POM121C: variants seen among roughly 807,000 people sequenced by gnomAD.
POM121C encodes the protein POM121 transmembrane nucleoporin C, also known as nuclear envelope pore membrane protein POM 121C.
POM121C carries 20 observed loss-of-function variants against 66.4 expected under a neutral mutation model. The observed-to-expected ratio is 0.30, with a 90% confidence interval of 0.21 to 0.44. POM121C has a LOEUF of 0.44. Among genes scored for constraint, POM121C ranks in the 20% least tolerant of loss-of-function variants. The pLI, the probability that POM121C is intolerant of heterozygous loss-of-function variation, is 1.00. For missense variants in POM121C, 580 were observed against 1,225.7 expected (o/e 0.47, Z 7.87); for synonymous variants, 286 against 528.0 (o/e 0.54, Z 6.28).
intron 3 of POM121C, 123 bp from the exon 4 acceptor site, chr7:75,441,770 A>G (rs1484628702): frequency 3.5e-5 from 33 of 953,728 alleles, no homozygotes; most frequent in Non-Finnish European, 5.1e-5. Flanking sequence ...TACGCAACAC[A>G]GAACACGTTG....
chr7:75,471,418 G>A (rs1186233619), intron 3 of POM121C, among the ~76,000 whole-genome samples: 3 of 151,752 alleles, frequency 2.0e-5, no homozygotes, highest in East Asian at 1.9e-4. Flanking sequence ...GGGTGGTCTC[G>A]AACTCCTGAC....
chr7:75,474,964 T>A, intron 2 of POM121C, 82 bp from the exon 3 acceptor site: 2 of 1,343,462 alleles, frequency 1.5e-6, no homozygotes, highest in Non-Finnish European at 2.1e-6. Flanking sequence ...CTGCAGCTAG[T>A]GCCCACAAGG....
chr7:75,479,137 A>C (rs1792207093), intron 1 of POM121C, among the ~76,000 whole-genome samples: 1 of 152,152 alleles, frequency 6.6e-6, no homozygotes, highest in South Asian at 2.1e-4. Flanking sequence ...AACACCTTTA[A>C]AAGCAAAGAC....
intron 7 of POM121C, among the ~76,000 whole-genome samples, chr7:75,432,791 T>C (rs2116374449): frequency 6.6e-6 from 1 of 152,308 alleles, no homozygotes; most frequent in Middle Eastern, 3.4e-3. Context: ...ATTCTGGGTA[T>C]TATCTGTGTT....
At chr7:75,421,267 C>T (rs1223063104) in intron 13 of POM121C, 11 of 1,206,970 alleles carry the variant, frequency 9.1e-6, no homozygotes, top group East Asian at 5.3e-5. Flanking sequence ...TGAGCCACTG[C>T]GCCCAACCTT....
chr7:75,419,673 A>G (rs587685472), intron 13 of POM121C: 1 of 541,270 alleles, frequency 1.8e-6, no homozygotes, highest in Non-Finnish European at 3.2e-6. Context: ...GGCAGAGAAA[A>G]AGCCCCCCTG....
intron 3 of POM121C, among the ~76,000 whole-genome samples, chr7:75,457,012 T>G (rs1455704178): frequency 6.7e-6 from 1 of 149,974 alleles, no homozygotes; most frequent in Non-Finnish European, 1.5e-5. Context: ...CTGGGCATGG[T>G]GGCAGGCGCC....
At chr7:75,480,698 G>A (rs1326005425) in intron 1 of POM121C, among the ~76,000 whole-genome samples, 3 of 151,990 alleles carry the variant, frequency 2.0e-5, no homozygotes, top group African/African-American at 4.8e-5. Context: ...AAAATCATTG[G>A]CCTGTATTCT....
intron 3 of POM121C, among the ~76,000 whole-genome samples, chr7:75,450,417 T>C (rs1246171424): frequency 6.6e-6 from 1 of 152,226 alleles, no homozygotes; most frequent in South Asian, 2.1e-4. Flanking sequence ...AGCACTCAGT[T>C]GTTACACGGG....
chr7:75,441,705 A>C, intron 3 of POM121C, 58 bp from the exon 4 acceptor site: 1 of 1,426,748 alleles, frequency 7.0e-7, no homozygotes, highest in Non-Finnish European at 9.5e-7. Flanking sequence ...TCAAAATTTT[A>C]GACGGTTAAA....
At position 75,441,098 on chromosome 7, in the gene POM121C, C is replaced by T; in HGVS notation, c.83G>A (p.Ser28Asn). 1.9e-6 allele frequency: 3 copies of T among 1,613,962 alleles called. No individual in the cohort carries two copies. The highest frequency in any genetic ancestry group is 2.5e-6 in the Non-Finnish European group (3 of 1,179,882). Reference sequence around the variant, plus strand: ...ACTTGATGGTGACGACAGTGTTGAGCTGATTATCTGCTCTGGTCTATAATG... The same window carrying T: ...ACTTGATGGTGACGACAGTGTTGAGTTGATTATCTGCTCTGGTCTATAATG... ...SRSAIPEQII[S>N]STLSSPSSNA... Residue 28 changes from serine (S) to asparagine (N), a missense_variant, in exon 5 of 15, where the codon AGC (serine) becomes AAC (asparagine). Coordinates refer to ENST00000615331, the MANE Select transcript of POM121C (RefSeq NM_001099415.3).
At chr7:75,442,008 C>T (rs1282928444) in intron 3 of POM121C, 9 of 597,166 alleles carry the variant, frequency 1.5e-5, no homozygotes, top group Non-Finnish European at 2.6e-5. Context: ...CTGGCACACA[C>T]CAAGGTGTTA....
At chr7:75,424,713 C>A in intron 10 of POM121C, 85 bp from the exon 11 acceptor site, 1 of 1,552,806 alleles carries the variant, frequency 6.4e-7, no homozygotes, top group African/African-American at 1.4e-5. Context: ...AATCTCAGCA[C>A]TCTGGGAGGC....
intron 6 of POM121C, 77 bp from the exon 7 acceptor site, chr7:75,437,763 T>C: frequency 6.7e-7 from 1 of 1,483,670 alleles, no homozygotes; most frequent in Non-Finnish European, 9.0e-7. Flanking sequence ...TCATGACATC[T>C]TTCTTAATAA....
At chr7:75,472,945 T>G (rs1371630900) in intron 3 of POM121C, among the ~76,000 whole-genome samples, 1 of 152,174 alleles carries the variant, frequency 6.6e-6, no homozygotes, top group Non-Finnish European at 1.5e-5. Flanking sequence ...GGAAGATGGA[T>G]CCACTGTAAT....
chr7:75,466,750 GAAA>G (rs1238974463), intron 3 of POM121C, among the ~76,000 whole-genome samples: 1 of 140,224 alleles, frequency 7.1e-6, no homozygotes, highest in Non-Finnish European at 1.6e-5. Context: ...ACTAATCAAA[GAAA>G]AAAAAAAAGC....
In POM121C at chr7:75,441,077, G is replaced by A. The variant is rs1790626391; in HGVS notation, c.104C>T (p.Ser35Leu). 5 of 1,613,944 alleles carry A rather than the reference G, an allele frequency of 3.1e-6. No individual in the cohort carries two copies. Among genetic ancestry groups the A allele is most frequent in the Non-Finnish European group, 4.2e-6 (5 of 1,179,866 alleles). The stretch of plus-strand genomic sequence containing the variant: ...TGCACATGGGTCTGGGGCATTACTT[G>A]ATGGTGACGACAGTGTTGAGCTGAT... ...QIISSTLSSPSSNAPDPCAKE... is the reference protein window; with the variant it reads ...QIISSTLSSPLSNAPDPCAKE... Residue 35 changes from serine (S) to leucine (L), a missense_variant, in exon 5 of 15, where the codon TCA (serine) becomes TTA (leucine). Transcript: ENST00000615331.
chr7:75,469,830 C>A (rs1791802167), intron 3 of POM121C, among the ~76,000 whole-genome samples: 2 of 152,210 alleles, frequency 1.3e-5, no homozygotes, highest in South Asian at 4.1e-4. Flanking sequence ...TGTCTCTCCA[C>A]CTCCTTCAGC....
Position 75,474,803 on chromosome 7 carries a change from T to C in POM121C, c.-251A>G, listed in dbSNP as rs1332410091. ...TTTGGCTTGGTGATATCATATCTTG[T>C]TAATGGGAAAAGAAGAAGGACTTGG... On this transcript the variant is annotated 5_prime_UTR_variant, in exon 3 of 15. It removes the in-frame stop codon of an upstream open reading frame in the 5' UTR. Transcript: ENST00000615331. The C allele has an allele frequency of 1.1e-5, 14 of 1,306,694 alleles. No homozygotes were observed. The highest frequency in any genetic ancestry group is 1.5e-5 in the Non-Finnish European group (14 of 919,524). The allele number at this position is 1,306,694 out of a possible 1,614,324, so 80.9% of individuals were successfully genotyped here.
Sources: gnomAD v4.1 joint callset for allele counts (sites outside exome capture counted in the v4.1 genomes callset) on GRCh38, gnomAD v4.1.1 for gene constraint, MANE v1.5 for transcripts, NCBI Gene and HGNC (gene_info 2026-07-23, HGNC 2026-07-21) for gene names.